Variants in DHX36 observed in about 807,000 individuals in gnomAD.
DHX36 encodes the protein ATP-dependent DNA/RNA helicase DHX36.
Under a neutral mutation model 139.0 loss-of-function variants are expected in DHX36, and 50 were observed. That is an observed-to-expected ratio of 0.36 (90% CI 0.29 to 0.46). The LOEUF is 0.46. Among genes scored for constraint, DHX36 ranks in the 20% least tolerant of loss-of-function variants. DHX36 has a pLI of 1.00. For missense variants in DHX36, 1,024 were observed against 1,211.3 expected, an observed-to-expected ratio of 0.85 and a Z score of 2.29; for synonymous variants, 425 against 401.9, an observed-to-expected ratio of 1.06 and a Z score of -0.69.
chr3:154,318,157 A>ATAACCCATGTACATG, intron 1 of DHX36, among the ~76,000 whole-genome samples: 1 of 152,242 alleles, frequency 6.6e-6, no homozygotes, highest in South Asian at 2.1e-4. Flanking sequence ...TTACATGGGT[A>ATAACCCATGTACATG]GGAGGATAAC....
chr3:154,297,895 T>TTC (rs1182435083), intron 12 of DHX36, among the ~76,000 whole-genome samples: 4 of 152,132 alleles, frequency 2.6e-5, no homozygotes, highest in African/African-American at 7.2e-5. Context: ...ATCTATACTC[T>TTC]TATGAAAAGA....
At chr3:154,304,076 CAAT>C (rs1415239943) in intron 8 of DHX36, among the ~76,000 whole-genome samples, 2 of 152,082 alleles carry the variant, frequency 1.3e-5, no homozygotes, top group African/African-American at 2.4e-5. Flanking sequence ...TTAAAAATAA[CAAT>C]AATAACACCT....
At position 154,300,751 on chromosome 3, in the gene DHX36, T is replaced by C. The variant is rs1441992907; in HGVS notation, c.1359-55A>G. 4.7e-6 allele frequency: 7 copies of C among 1,483,194 alleles called. No individual in the cohort carries two copies. In the African/African-American group the frequency reaches 9.8e-5, roughly 21 times the overall value. 91.9% of individuals were successfully genotyped at this position (1,483,194 alleles called of 1,614,324 possible). ...TACTTAATCAAGTTTTCTGTTAACT[T>C]GCTACAAAAGCTTAAAATTAACTCA... is the stretch of plus-strand genomic sequence containing the variant. On this transcript the variant is annotated intron_variant, in intron 10 of 24. Coordinates refer to ENST00000496811, the MANE Select transcript of DHX36 (RefSeq NM_020865.3).
At chr3:154,283,553 C>T (rs940843604) in intron 19 of DHX36, among the ~76,000 whole-genome samples, 4 of 151,754 alleles carry the variant, frequency 2.6e-5, no homozygotes, top group Non-Finnish European at 1.5e-5. Flanking sequence ...CCAAACTGTA[C>T]ATAATACACT....
Position 154,276,253 on chromosome 3 carries a change from G to T in DHX36, c.2945C>A (p.Ala982Asp). 1 of 1,613,836 alleles carries T rather than the reference G, an allele frequency of 6.2e-7. No homozygotes were observed. Among genetic ancestry groups the T allele is most frequent in the Non-Finnish European group, 8.5e-7 (1 of 1,179,906 alleles). Residue 982 changes from alanine (A) to aspartate (D), a missense_variant, in exon 25 of 25, where the codon GCT becomes GAT. Coordinates refer to ENST00000496811, the MANE Select transcript of DHX36 (RefSeq NM_020865.3). ...TKSRDCAVLSAIIDLIKTQEK... is the reference protein window; with the variant it reads ...TKSRDCAVLSDIIDLIKTQEK... ...CTGTGTTTTGATCAAGTCTATAATA[G>T]CTGACAGTACTGCACAGTCTCTGGA...
rs1326070732 is a variant in DHX36, at chr3:154,277,577, TTA to T, written c.2688+19_2688+20del. Reference sequence around the variant, plus strand: ...ATGAGACTGATAATCAGATCCTTAATTATTTTAAATGTTCACTTACACTGCTT... The same window carrying T: ...ATGAGACTGATAATCAGATCCTTAATTTTTAAATGTTCACTTACACTGCTT... On this transcript the variant is annotated intron_variant, in intron 23 of 24. Transcript: ENST00000496811. The T allele has an allele frequency of 1.3e-6, 2 of 1,582,996 alleles. No homozygotes were observed. The highest frequency in any genetic ancestry group is 2.7e-5 in the African/African-American group (2 of 74,150).
At chr3:154,316,313 C>T (rs1271979971) in intron 1 of DHX36, 150 bp from the exon 2 acceptor site, 4 of 938,256 alleles carry the variant, frequency 4.3e-6, no homozygotes, top group South Asian at 1.6e-5. Context: ...TAGCCCAATA[C>T]CCCCCTTCCT....
intron 11 of DHX36, among the ~76,000 whole-genome samples, chr3:154,300,200 T>C (rs1712209801): frequency 6.6e-6 from 1 of 152,160 alleles, no homozygotes; most frequent in African/African-American, 2.4e-5. Context: ...CCCAAGTAGC[T>C]GGGATTACAG....
At position 154,309,763 on chromosome 3, in the gene DHX36, C is replaced by T; in HGVS notation, c.703G>A (p.Gly235Ser). 6.2e-7 allele frequency: 1 copy of T among 1,612,290 alleles called. No homozygotes were observed. Among genetic ancestry groups the T allele is most frequent in the Non-Finnish European group, 8.5e-7 (1 of 1,179,208 alleles). ...VTVISGETGC[G>S]KTTQVTQFIL... ...AACTGAGTAACTTGAGTGGTTTTGC[C>T]ACAACCAGTTTCACCACTTATTACT... The change falls in exon 5 of 25, where the codon GGC becomes AGC. Residue 235 changes from glycine (G) to serine (S), a missense_variant. By Grantham distance (56) the Gly-to-Ser change is moderately conservative (BLOSUM62 0). This residue lies in a region of DHX36 where 146 missense variants were observed against 215.0 expected (regional missense o/e 0.68). Coordinates refer to ENST00000496811, the MANE Select transcript of DHX36 (RefSeq NM_020865.3).
chr3:154,298,202 C>A (rs954694685), intron 12 of DHX36, among the ~76,000 whole-genome samples: 16 of 152,074 alleles, frequency 1.1e-4, no homozygotes, highest in Non-Finnish European at 1.9e-4. Context: ...TACCCTTTTC[C>A]CACTCTCCAT....
chr3:154,316,062 G>C lies in DHX36; in HGVS notation c.345C>G (p.Ser115=). The C allele has an allele frequency of 5.0e-6, 8 of 1,613,150 alleles. No individual in the cohort carries two copies. Among genetic ancestry groups the C allele is most frequent in the Non-Finnish European group, 5.9e-6 (7 of 1,179,504 alleles). The change falls in exon 2 of 25, where the codon TCC becomes TCG. Residue 115 remains serine, a synonymous_variant. Coordinates refer to ENST00000496811, the MANE Select transcript of DHX36 (RefSeq NM_020865.3). ...KNDKESEAQI[S]WFAPEDHGYG... ...ACCCATGATCCTCAGGAGCAAACCA[G>C]GATATCTGTGCTTCTGACTCTTTAT...
chr3:154,278,964 CT>C (rs554269128), intron 22 of DHX36: 1 of 152,000 alleles, frequency 6.6e-6, no homozygotes, highest in Non-Finnish European at 1.5e-5. Context: ...TTTCTTTTTT[CT>C]TTTTTTTGAG....
At chr3:154,277,019 A>G (rs914276002) in intron 23 of DHX36, 120 bp from the exon 24 acceptor site, 14 of 827,720 alleles carry the variant, frequency 1.7e-5, no homozygotes, top group Non-Finnish European at 2.3e-5. Context: ...TTAACCTTCT[A>G]TTGTAATTAC....
Position 154,309,653 on chromosome 3 carries a change from T to C in DHX36, c.813A>G (p.Ser271=). 6.3e-7 allele frequency: 1 copy of C among 1,596,916 alleles called. No individual in the cohort carries two copies. The highest frequency in any genetic ancestry group is 8.5e-7 in the Non-Finnish European group (1 of 1,174,730). ...TTTAATAAGTTAAGAGATTACTTACTGAAATGGCACTAATTCTTCTTGGCT... is the reference window on the plus strand; with the variant it reads ...TTTAATAAGTTAAGAGATTACTTACCGAAATGGCACTAATTCTTCTTGGCT... ...CTQPRRISAI[S]VAERVAAERA... Residue 271 remains serine (S), a splice_region_variant and synonymous_variant, in exon 5 of 25, where the codon TCA becomes TCG. Coordinates refer to ENST00000496811, the MANE Select transcript of DHX36 (RefSeq NM_020865.3).
intron 4 of DHX36, among the ~76,000 whole-genome samples, chr3:154,310,612 C>A (rs1712694321): frequency 6.7e-6 from 1 of 149,804 alleles, no homozygotes; most frequent in African/African-American, 2.5e-5. Context: ...GAAACCCCAT[C>A]TCTACTAAAA....
At chr3:154,299,684 A>G in intron 12 of DHX36, 154 bp downstream of exon 12, 1 of 672,464 alleles carries the variant, frequency 1.5e-6, no homozygotes, top group Non-Finnish European at 2.7e-6. Flanking sequence ...TGAAAAAGAA[A>G]GAAAATATTC....
At chr3:154,302,316 T>C (rs1364580528) in intron 9 of DHX36, among the ~76,000 whole-genome samples, 2 of 152,212 alleles carry the variant, frequency 1.3e-5, no homozygotes, top group Non-Finnish European at 2.9e-5. Context: ...ACAGTTGCCA[T>C]ACCCTGGTAC....
chr3:154,313,485 G>T (rs770700849), intron 3 of DHX36, among the ~76,000 whole-genome samples: 3 of 152,052 alleles, frequency 2.0e-5, no homozygotes, highest in Non-Finnish European at 4.4e-5. Flanking sequence ...TTCAAGACCA[G>T]CCTGGGCAAC....
At chr3:154,288,573 C>T (rs1161854333) in intron 17 of DHX36, among the ~76,000 whole-genome samples, 2 of 151,950 alleles carry the variant, frequency 1.3e-5, no homozygotes, top group Non-Finnish European at 2.9e-5. Context: ...TAATTAAAGA[C>T]CAGTAACTTA....
Sources: gnomAD v4.1 joint callset for allele counts (sites outside exome capture counted in the v4.1 genomes callset) on GRCh38, gnomAD v4.1.1 for gene constraint, gnomAD v4.1.1 regional missense constraint, MANE v1.5 for transcripts, NCBI Gene and HGNC (gene_info 2026-07-23, HGNC 2026-07-21) for gene names.